The following PTGER3 variants were observed in gnomAD, a reference collection of about 807,000 sequenced individuals.
PTGER3 encodes prostaglandin E receptor 3.
Under a neutral mutation model 34.7 loss-of-function variants are expected in PTGER3, and 22 were observed. That is an observed-to-expected ratio of 0.63 (90% CI 0.45 to 0.91). PTGER3 has a LOEUF of 0.91. PTGER3 is among the 40% of genes least tolerant of loss of function. The pLI is 0.00. For missense variants in PTGER3, 468 were observed against 519.4 expected, an observed-to-expected ratio of 0.90 and a Z score of 0.96; for synonymous variants, 241 against 230.1, an observed-to-expected ratio of 1.05 and a Z score of -0.43.
chr1:70,981,416 CTTCT>C (rs1654351643), intron 2 of PTGER3, among the ~76,000 whole-genome samples: 3 of 124,316 alleles, frequency 2.4e-5, no homozygotes. Flanking sequence ...TCCTTCCTTC[CTTCT>C]TTCTTTTCTT....
At chr1:71,021,161 C>A (rs1572952190) in intron 1 of PTGER3, among the ~76,000 whole-genome samples, 1 of 152,050 alleles carries the variant, frequency 6.6e-6, no homozygotes, top group East Asian at 1.9e-4. Context: ...AGAAAACTCA[C>A]CTCAAATTTG....
chr1:71,020,697 AGTGTGTGTGT>A (rs112981971), intron 1 of PTGER3, among the ~76,000 whole-genome samples: 3 of 144,884 alleles, frequency 2.1e-5, no homozygotes, highest in Admixed American at 7.0e-5. Context: ...ATGTTAGCAG[AGTGTGTGTGT>A]GTGTGTGTGT....
chr1:70,926,620 C>T lies in PTGER3; in HGVS notation c.*23+27143G>A, dbSNP rs1212607271. On this transcript the variant is annotated intron_variant, in intron 4 of 4. Transcript: ENST00000370931. ...TTTTCTAGATATACAATGATGTCGTCTGCAAACAGGGACAATTTGACTTCC... is the reference window on the plus strand; with the variant it reads ...TTTTCTAGATATACAATGATGTCGTTTGCAAACAGGGACAATTTGACTTCC... Among the ~76,000 whole-genome samples the T allele has an allele frequency of 3.2e-3, 485 of 152,230 alleles. 5 individuals are homozygous for T. Among genetic ancestry groups the T allele is most frequent in the African/African-American group, 0.011 (467 of 41,498 alleles).
chr1:70,934,917 T>C (rs1241347016), intron 4 of PTGER3, among the ~76,000 whole-genome samples: 1 of 152,192 alleles, frequency 6.6e-6, no homozygotes, highest in East Asian at 1.9e-4. Flanking sequence ...CTTCCTCAAA[T>C]TGACCTTGTT....
At chr1:71,040,454 A>T (rs1660217623) in intron 1 of PTGER3, among the ~76,000 whole-genome samples, 1 of 151,948 alleles carries the variant, frequency 6.6e-6, no homozygotes, top group Admixed American at 6.5e-5. Context: ...AAAAAATACA[A>T]AAATTAGCAG....
Position 70,971,270 on chromosome 1 carries a change from C to T in PTGER3, c.*460G>A. ...CTTTTATATGTCGTTAAGTTCATAT[C>T]CTATTAATTGAATTATCACTCTCAA... On this transcript the variant is annotated 3_prime_UTR_variant, in exon 4 of 4. Transcript: ENST00000306666. 1 of 985,892 alleles carries T rather than the reference C, an allele frequency of 1.0e-6. No homozygotes were observed. Among genetic ancestry groups the T allele is most frequent in the South Asian group, 4.7e-5 (1 of 21,292 alleles). 61.1% of individuals were successfully genotyped at this position (985,892 alleles called of 1,614,324 possible).
intron 4 of PTGER3, among the ~76,000 whole-genome samples, chr1:70,905,487 A>G (rs1646926724): frequency 6.6e-6 from 1 of 152,302 alleles, no homozygotes; most frequent in African/African-American, 2.4e-5. Flanking sequence ...AAGCTGCCCA[A>G]GTCTATGGGA....
At chr1:71,030,705 T>G (rs1659335309) in intron 1 of PTGER3, among the ~76,000 whole-genome samples, 1 of 152,192 alleles carries the variant, frequency 6.6e-6, no homozygotes, top group Admixed American at 6.5e-5. Context: ...TCCTGTCACC[T>G]TCTACGGGAT....
At chr1:70,903,641 C>T (rs1375229333) in intron 4 of PTGER3, among the ~76,000 whole-genome samples, 1 of 152,158 alleles carries the variant, frequency 6.6e-6, no homozygotes, top group Non-Finnish European at 1.5e-5. Flanking sequence ...TACCACTTTT[C>T]CCACTCATAC....
At chr1:70,906,038 GT>G (rs1646940294) in intron 4 of PTGER3, among the ~76,000 whole-genome samples, 1 of 147,430 alleles carries the variant, frequency 6.8e-6, no homozygotes, top group East Asian at 2.1e-4. Flanking sequence ...GATCTGATGG[GT>G]TTAAAAATAG....
At chr1:70,896,950 G>C (rs181352099) in intron 4 of PTGER3, among the ~76,000 whole-genome samples, 3 of 152,256 alleles carry the variant, frequency 2.0e-5, no homozygotes, top group Non-Finnish European at 2.9e-5. Flanking sequence ...CCTGTAGTTT[G>C]AGTAGGAGTA....
At chr1:70,996,644 T>TTTATTTATTTAC (rs980840065) in intron 2 of PTGER3, among the ~76,000 whole-genome samples, 5 of 132,192 alleles carry the variant, frequency 3.8e-5, no homozygotes, top group African/African-American at 1.6e-4. Context: ...TGTATTTTTA[T>TTTATTTATTTAC]TTATTTATTT....
intron 3 of PTGER3, among the ~76,000 whole-genome samples, chr1:70,972,075 C>G (rs377613833): frequency 1.3e-5 from 2 of 152,194 alleles, no homozygotes; most frequent in African/African-American, 4.8e-5. Flanking sequence ...TGCCTGTAAT[C>G]CCAGCATTTT....
intron 2 of PTGER3, among the ~76,000 whole-genome samples, chr1:70,965,055 A>G (rs754898638): frequency 6.6e-6 from 1 of 152,206 alleles, no homozygotes; most frequent in East Asian, 1.9e-4. Flanking sequence ...AGGGTTAGTC[A>G]CATACAGAAA....
intron 2 of PTGER3, chr1:71,009,655 T>C: frequency 3.0e-6 from 3 of 985,270 alleles, no homozygotes; most frequent in Non-Finnish European, 3.6e-6. Flanking sequence ...CTACATTTCA[T>C]TCGCTTACTT....
At chr1:70,856,294 G>T (rs1336372626) in intron 4 of PTGER3, among the ~76,000 whole-genome samples, 1 of 151,992 alleles carries the variant, frequency 6.6e-6, no homozygotes, top group African/African-American at 2.4e-5. Context: ...CAAAAAATTA[G>T]CTGGGTGTGG....
chr1:71,004,079 C>T (rs938795041), intron 2 of PTGER3, among the ~76,000 whole-genome samples: 2 of 152,140 alleles, frequency 1.3e-5, no homozygotes, highest in Non-Finnish European at 2.9e-5. Context: ...GAATTATTTT[C>T]TCTCAATGTT....
At chr1:70,926,519 T>C (rs1449554874) in intron 4 of PTGER3, among the ~76,000 whole-genome samples, 1 of 152,120 alleles carries the variant, frequency 6.6e-6, no homozygotes, top group African/African-American at 2.4e-5. Flanking sequence ...GTGATTTTTG[T>C]ACATTGATTT....
chr1:70,855,991 G>A (rs1304282032), intron 4 of PTGER3, among the ~76,000 whole-genome samples: 3 of 151,914 alleles, frequency 2.0e-5, no homozygotes, highest in African/African-American at 4.8e-5. Flanking sequence ...GGATTTTCAC[G>A]GTAGATTAAA....
Sources: allele counts gnomAD v4.1 joint callset (sites outside exome capture counted in the v4.1 genomes callset), GRCh38; gene constraint gnomAD v4.1.1; transcripts MANE v1.5; gene names NCBI Gene and HGNC (gene_info 2026-07-23, HGNC 2026-07-21).